Variants in GRB2 observed in about 807,000 individuals in gnomAD.
GRB2 encodes growth factor receptor-bound protein 2.
Under a neutral mutation model 27.4 loss-of-function variants are expected in GRB2, and 2 were observed. The ratio of observed to expected loss-of-function variants is 0.07; its 90% CI spans 0.03 to 0.23. The LOEUF is 0.23. GRB2 is among the 10% of genes least tolerant of loss of function. The pLI is 1.00. For missense variants in GRB2, 102 were observed against 282.4 expected (o/e 0.36, Z 4.58); for synonymous variants, 94 against 99.6 (o/e 0.94, Z 0.33).
chr17:75,328,945 AAAT>A (rs1464342645), intron 3 of GRB2, among the ~76,000 whole-genome samples: 5 of 119,616 alleles, frequency 4.2e-5, no homozygotes, highest in Non-Finnish European at 7.0e-5. Context: ...TTCAAAAAAT[AAAT>A]AAATAAATAA....
chr17:75,321,743 C>T lies in GRB2; in HGVS notation c.384G>A (p.Leu128=). 1.9e-6 allele frequency: 3 copies of T among 1,613,940 alleles called. No individual in the cohort carries two copies. Among genetic ancestry groups the T allele is most frequent in the Non-Finnish European group, 2.5e-6 (3 of 1,179,960 alleles). ...YFLWVVKFNS[L]NELVDYHRST... ...ATCTGTGATAATCCACCAGCTCATT[C>T]AAAGAATTGAACTTCACCACCCAGA... The change falls in exon 5 of 6, where the codon TTG becomes TTA. Residue 128 remains leucine (L), a synonymous_variant. Coordinates refer to ENST00000316804, the MANE Select transcript of GRB2 (RefSeq NM_002086.5).
intron 4 of GRB2, among the ~76,000 whole-genome samples, chr17:75,323,289 T>C (rs923718800): frequency 2.0e-5 from 3 of 152,030 alleles, no homozygotes; most frequent in Non-Finnish European, 4.4e-5. Context: ...ACAAGATGCC[T>C]CGCATTTGGA....
intron 3 of GRB2, among the ~76,000 whole-genome samples, chr17:75,332,416 C>G (rs2078547271): frequency 6.6e-6 from 1 of 152,176 alleles, no homozygotes; most frequent in Non-Finnish European, 1.5e-5. Context: ...TAAAACACAT[C>G]TGGCTCTAAG....
At chr17:75,330,200 A>ATGTG (rs1567857681) in intron 3 of GRB2, among the ~76,000 whole-genome samples, 30 of 151,946 alleles carry the variant, frequency 2.0e-4, no homozygotes, top group African/African-American at 7.2e-4. Flanking sequence ...TGACCAACAC[A>ATGTG]GTGAAACCCC....
chr17:75,346,666 T>C (rs1312548359), intron 2 of GRB2, among the ~76,000 whole-genome samples: 2 of 123,908 alleles, frequency 1.6e-5, no homozygotes, highest in Non-Finnish European at 3.2e-5. Context: ...CACTGCAACC[T>C]CCACCGCCCG....
In GRB2 at chr17:75,400,620, C is replaced by T. The variant is rs376153675; in HGVS notation, c.-138+4869G>A. ...CCTCCCAAGTAGCTGGGATTCCAGGCGTGTCACCACCACCTAATTTTTGAA... is the reference window on the plus strand; with the variant it reads ...CCTCCCAAGTAGCTGGGATTCCAGGTGTGTCACCACCACCTAATTTTTGAA... On this transcript the variant is annotated intron_variant, in intron 1 of 5. Transcript: ENST00000316804. Among the ~76,000 whole-genome samples the T allele has an allele frequency of 1.6e-4, 24 of 152,160 alleles. No individual in the cohort carries two copies. In the East Asian group the frequency reaches 3.3e-3, roughly 21 times the overall value.
rs1420681057 is a variant in GRB2, at chr17:75,393,677, C to T, written c.-49G>A. 1 of 1,481,624 alleles carries T rather than the reference C, an allele frequency of 6.7e-7. No homozygotes were observed. Among genetic ancestry groups the T allele is most frequent in the Admixed American group, 1.7e-5 (1 of 59,754 alleles). 91.8% of individuals were successfully genotyped at this position (1,481,624 alleles called of 1,614,324 possible). A position where few individuals can be genotyped will look rare whatever the true frequency, so the allele number is the denominator to read the frequency against. The stretch of plus-strand genomic sequence containing the variant: ...CAGCCTGAAGCAGGGGGAAGGGAGT[C>T]TTCCCTGCTGAAGCAACCCAGCGCT... On this transcript the variant is annotated 5_prime_UTR_variant, in exon 2 of 6. Coordinates refer to ENST00000316804, the MANE Select transcript of GRB2 (RefSeq NM_002086.5).
In GRB2 at chr17:75,388,354, C is replaced by T. The variant is rs114330969; in HGVS notation, c.78+5197G>A. Among the ~76,000 whole-genome samples the T allele has an allele frequency of 4.2e-3, 637 of 152,170 alleles. 7 individuals are homozygous for T. Among genetic ancestry groups the T allele is most frequent in the African/African-American group, 0.014 (599 of 41,502 alleles). On this transcript the variant is annotated intron_variant, in intron 2 of 5. Coordinates refer to ENST00000316804, the MANE Select transcript of GRB2 (RefSeq NM_002086.5). The stretch of plus-strand genomic sequence containing the variant: ...CTGACCTCAAATGATCCATGCGCCT[C>T]GGCCTCCCCAAAGTGTTGGGATTCA...
At chr17:75,381,290 T>C (rs2078925963) in intron 2 of GRB2, among the ~76,000 whole-genome samples, 1 of 152,170 alleles carries the variant, frequency 6.6e-6, no homozygotes. Context: ...AATACTGGAA[T>C]AGAGGGACTT....
chr17:75,334,416 C>T (rs2078562816), intron 2 of GRB2, among the ~76,000 whole-genome samples: 1 of 151,984 alleles, frequency 6.6e-6, no homozygotes, highest in African/African-American at 2.4e-5. Context: ...TGTGATCCAC[C>T]CGACTCGGCC....
chr17:75,372,568 G>C (rs951874061), intron 2 of GRB2: 2 of 152,250 alleles, frequency 1.3e-5, no homozygotes, highest in African/African-American at 4.8e-5. Context: ...CGAAAACAGT[G>C]ATTCCAGAAA....
intron 2 of GRB2, among the ~76,000 whole-genome samples, chr17:75,386,124 C>CA (rs1555612836): frequency 6.9e-6 from 1 of 145,666 alleles, no homozygotes; most frequent in African/African-American, 2.5e-5. Context: ...AGAATAAATT[C>CA]TTTTTTTTTT....
Position 75,354,264 on chromosome 17 carries a change from T to TTGGGGG in GRB2, c.79-21468_79-21467insCCCCCA, listed in dbSNP as rs1555610715. ...AAAGTTTATTCATGGTCTTTTTTTT[T>TTGGGGG]GGGGGGGGGGGGGAGATGGAGTTTC... On this transcript the variant is annotated intron_variant, in intron 2 of 5. Transcript: ENST00000316804. Among the ~76,000 whole-genome samples the TTGGGGG allele has an allele frequency of 1.9e-3, 74 of 38,206 alleles. 11 individuals are homozygous for TTGGGGG. Among genetic ancestry groups the TTGGGGG allele is most frequent in the South Asian group, 5.0e-3 (5 of 1,008 alleles). The allele number at this position is 38,206 out of a possible 152,430, so 25.1% of individuals were successfully genotyped here.
At chr17:75,354,357 T>C (rs981333354) in intron 2 of GRB2, among the ~76,000 whole-genome samples, 1 of 150,334 alleles carries the variant, frequency 6.7e-6, no homozygotes, top group East Asian at 1.9e-4. Flanking sequence ...CCACTTCCCA[T>C]GTTCAAGCGA....
At chr17:75,329,556 C>CA (rs1255611618) in intron 3 of GRB2, among the ~76,000 whole-genome samples, 2 of 151,714 alleles carry the variant, frequency 1.3e-5, no homozygotes, top group Non-Finnish European at 2.9e-5. Flanking sequence ...AACCAAAAAC[C>CA]AAAAAAACCA....
At chr17:75,393,508 C>G (rs1333369496) in intron 2 of GRB2, 43 bp downstream of exon 2, 1 of 1,490,206 alleles carries the variant, frequency 6.7e-7, no homozygotes, top group Non-Finnish European at 9.4e-7. Context: ...TGGGTGAGCA[C>G]AGGGAGAGCG....
At chr17:75,337,716 G>A (rs2078587669) in intron 2 of GRB2, among the ~76,000 whole-genome samples, 3 of 149,236 alleles carry the variant, frequency 2.0e-5, no homozygotes, top group Admixed American at 6.7e-5. Flanking sequence ...GACTACAGGC[G>A]TCTGCAACCA....
intron 2 of GRB2, among the ~76,000 whole-genome samples, chr17:75,391,470 G>C (rs1346714601): frequency 6.6e-6 from 1 of 152,066 alleles, no homozygotes; most frequent in Admixed American, 6.6e-5. Flanking sequence ...TCTAGGTCTA[G>C]GACAAACTTC....
chr17:75,370,855 G>C (rs891641166), intron 2 of GRB2: 3 of 152,164 alleles, frequency 2.0e-5, no homozygotes, highest in Non-Finnish European at 4.4e-5. Flanking sequence ...AATTCAGGTG[G>C]GAAAGCCAAT....
Sources: allele counts gnomAD v4.1 joint callset (sites outside exome capture counted in the v4.1 genomes callset), GRCh38; gene constraint gnomAD v4.1.1; transcripts MANE v1.5; gene names NCBI Gene and HGNC (gene_info 2026-07-23, HGNC 2026-07-21).